DPP6: variants seen among roughly 807,000 people sequenced by gnomAD.
The protein encoded by DPP6 is A-type potassium channel modulatory protein DPP6.
DPP6 carries 69 observed loss-of-function variants against 122.6 expected under a neutral mutation model. That is an observed-to-expected ratio of 0.56 (90% CI 0.46 to 0.69). The LOEUF is 0.69. Ranked by LOEUF, DPP6 falls within the 30% of genes least tolerant of loss-of-function variation. The probability of loss-of-function intolerance (pLI) is 0.00; values close to 1 mark genes in which losing one functional copy is unlikely to be tolerated. For synonymous variants in DPP6, 418 were observed against 433.1 expected (o/e 0.97, Z 0.43); for missense variants, 928 against 1,116.9 (o/e 0.83, Z 2.41).
chr7:154,311,827 A>C lies in DPP6; in HGVS notation c.244-134387A>C, dbSNP rs1006748830. Among the ~76,000 whole-genome samples the C allele has an allele frequency of 2.0e-5, 3 of 152,274 alleles. No individual in the cohort carries two copies. In the East Asian group the frequency reaches 5.8e-4, roughly 29 times the overall value. On this transcript the variant is annotated intron_variant, in intron 1 of 25. Transcript: ENST00000377770. ...TTCTCATACTTGACTCTTCTATCAA[A>C]AATGCTCCATGTGCTTTTCCACCTG...
At chr7:153,765,106 C>T in the DPP6 span, among the ~76,000 whole-genome samples, 6 of 151,690 alleles carry the variant, frequency 4.0e-5, no homozygotes, top group Admixed American at 2.6e-4. Context: ...ATTCCACTCA[C>T]TCTCTATTTG....
chr7:153,946,357 TC>T (rs1272570299), intron 1 of DPP6, among the ~76,000 whole-genome samples: 1 of 152,098 alleles, frequency 6.6e-6, no homozygotes, highest in Admixed American at 6.6e-5. Context: ...AACTGAGAGT[TC>T]CTCCCCATCT....
At chr7:154,632,313 G>A (rs901634631) in intron 5 of DPP6, among the ~76,000 whole-genome samples, 2 of 152,188 alleles carry the variant, frequency 1.3e-5, no homozygotes, top group African/African-American at 4.8e-5. Flanking sequence ...AGGAGAGGAA[G>A]GATGGAGGAG....
Position 154,875,917 on chromosome 7 carries a change from C to T in DPP6, c.1895C>T (p.Pro632Leu), listed in dbSNP as rs1036208494. Residue 632 changes from proline to leucine, a missense_variant, in exon 20 of 26, where the codon CCA becomes CTA. Coordinates refer to ENST00000377770, the MANE Select transcript of DPP6 (RefSeq NM_130797.4). The surrounding 1 kb of genome is among the most constrained non-coding windows in gnomAD (Gnocchi z 4.5). ...GATTCTCTTTCCAGGGATGGCACCC[C>T]AGGCAGCCAGAGTGTGGCTGAGAAG... Reference protein sequence around the residue: ...YPLLLVVDGTPGSQSVAEKFE... With the variant: ...YPLLLVVDGTLGSQSVAEKFE... 9 of 1,610,344 alleles carry T rather than the reference C, an allele frequency of 5.6e-6. No individual in the cohort carries two copies. The Admixed American group carries it at 8.4e-5, about 15-fold the overall frequency.
At chr7:153,963,369 A>G (rs982422089) in intron 1 of DPP6, among the ~76,000 whole-genome samples, 2 of 149,104 alleles carry the variant, frequency 1.3e-5, no homozygotes, top group African/African-American at 2.4e-5. Context: ...AGAGGAAGGA[A>G]GCACCAAAGT....
chr7:153,970,523 CT>C (rs1472866245), intron 1 of DPP6, among the ~76,000 whole-genome samples: 1 of 152,052 alleles, frequency 6.6e-6, no homozygotes, highest in Non-Finnish European at 1.5e-5. Flanking sequence ...CAACTTTTTT[CT>C]TTTGTGATTT....
chr7:154,036,166 G>A (rs796874386), intron 1 of DPP6, among the ~76,000 whole-genome samples: 39 of 150,912 alleles, frequency 2.6e-4, no homozygotes, highest in African/African-American at 6.9e-4. Context: ...CTGGAGTACA[G>A]TGGGTGTGAT....
At chr7:154,466,387 C>T (rs934844461) in intron 2 of DPP6, among the ~76,000 whole-genome samples, 4 of 152,188 alleles carry the variant, frequency 2.6e-5, no homozygotes, top group East Asian at 1.9e-4. Flanking sequence ...TTTCATTTCT[C>T]ACACTTCTGG....
At chr7:153,901,612 C>A (rs1010620428) in intron 1 of DPP6, among the ~76,000 whole-genome samples, 16 of 152,178 alleles carry the variant, frequency 1.1e-4, no homozygotes, top group African/African-American at 3.9e-4. Context: ...CAGCTTCTAC[C>A]AGGACTAACT....
chr7:154,387,015 A>G (rs1414734658), intron 1 of DPP6, among the ~76,000 whole-genome samples: 1 of 152,180 alleles, frequency 6.6e-6, no homozygotes, highest in Non-Finnish European at 1.5e-5. Context: ...GAGTGAGGTT[A>G]CAGAAAGATC....
In DPP6 at chr7:154,166,064, T is replaced by C. The variant is rs1383894132; in HGVS notation, c.243+113001T>C. Reference sequence around the variant, plus strand: ...TCTGCCGTTGGCACCCCCAGAACAATATATTCTTCAATAGTTTAAAGGAGC... The same window carrying C: ...TCTGCCGTTGGCACCCCCAGAACAACATATTCTTCAATAGTTTAAAGGAGC... On this transcript the variant is annotated intron_variant, in intron 1 of 25. Transcript: ENST00000377770. 2.0e-5 allele frequency among the ~76,000 whole-genome samples: 3 copies of C among 152,234 alleles called. No individual in the cohort carries two copies. In the East Asian group the frequency reaches 5.8e-4, roughly 29 times the overall value.
At chr7:154,641,013 G>A (rs575210308) in intron 6 of DPP6, among the ~76,000 whole-genome samples, 81 of 152,054 alleles carry the variant, frequency 5.3e-4, no homozygotes, top group African/African-American at 1.8e-3. Context: ...TCTAATTAAT[G>A]TTCTCATGCC....
At chr7:153,925,182 C>CCTCA (rs1369687770) in intron 1 of DPP6, among the ~76,000 whole-genome samples, 1 of 152,182 alleles carries the variant, frequency 6.6e-6, no homozygotes, top group African/African-American at 2.4e-5. Context: ...TGAGTCAAGT[C>CCTCA]TGAGGTTCTG....
At chr7:154,120,818 A>C (rs1269209962) in intron 1 of DPP6, among the ~76,000 whole-genome samples, 1 of 152,212 alleles carries the variant, frequency 6.6e-6, no homozygotes, top group African/African-American at 2.4e-5. Context: ...TAGTCCAATG[A>C]AAGGGTTTTC....
intron 1 of DPP6, among the ~76,000 whole-genome samples, chr7:154,201,300 TG>T (rs1266473366): frequency 6.6e-6 from 1 of 152,138 alleles, no homozygotes; most frequent in Non-Finnish European, 1.5e-5. Flanking sequence ...GCTAATTTTT[TG>T]TATTTGTAGT....
At chr7:154,371,322 T>C (rs1812635548) in intron 1 of DPP6, among the ~76,000 whole-genome samples, 1 of 124,554 alleles carries the variant, frequency 8.0e-6, no homozygotes, top group African/African-American at 3.1e-5. Context: ...GAGGTTGCAG[T>C]GAGCCGAGAT....
chr7:154,198,957 T>G (rs1447114787), intron 1 of DPP6, among the ~76,000 whole-genome samples: 1 of 151,994 alleles, frequency 6.6e-6, no homozygotes, highest in East Asian at 1.9e-4. Flanking sequence ...ACAATCACAG[T>G]TTCTGTTGAT....
intron 1 of DPP6, among the ~76,000 whole-genome samples, chr7:154,382,437 ATCTT>A (rs1394920022): frequency 6.6e-6 from 1 of 152,196 alleles, no homozygotes; most frequent in African/African-American, 2.4e-5. Context: ...TGTCAGTTGA[ATCTT>A]AATTAACCAT....
At chr7:154,672,836 T>C (rs1048261238) in intron 7 of DPP6, among the ~76,000 whole-genome samples, 7 of 152,200 alleles carry the variant, frequency 4.6e-5, no homozygotes, top group Non-Finnish European at 1.0e-4. Context: ...TGCAAACAGA[T>C]AGTTTCTAGC....
Sources: gnomAD v4.1 joint callset for allele counts (sites outside exome capture counted in the v4.1 genomes callset) on GRCh38, gnomAD v4.1.1 for gene constraint, Gnocchi (gnomAD v3.1) non-coding constraint, MANE v1.5 for transcripts, NCBI Gene and HGNC (gene_info 2026-07-23, HGNC 2026-07-21) for gene names.